CC2D2A: variants seen among roughly 807,000 people sequenced by gnomAD.
The protein encoded by CC2D2A is coiled-coil and C2 domain-containing protein 2A.
In CC2D2A, 155 loss-of-function variants were observed where a neutral mutation model predicts 212.9. The observed-to-expected ratio is 0.73, with a 90% confidence interval of 0.64 to 0.83. The LOEUF is 0.83. CC2D2A is among the 40% of genes least tolerant of loss of function. CC2D2A has a pLI of 0.00. For missense variants in CC2D2A, 1,856 were observed against 1,956.2 expected, an observed-to-expected ratio of 0.95 and a Z score of 0.97; for synonymous variants, 667 against 686.5, an observed-to-expected ratio of 0.97 and a Z score of 0.44.
intron 1 of CC2D2A, chr4:15,473,308 T>A (rs952790061): frequency 6.6e-5 from 10 of 151,938 alleles, no homozygotes; most frequent in African/African-American, 2.4e-4. Flanking sequence ...CATTGTAAGG[T>A]AGTTAGGGAA....
At chr4:15,539,166 TAA>T (rs1286789280) in intron 16 of CC2D2A, among the ~76,000 whole-genome samples, 1 of 152,142 alleles carries the variant, frequency 6.6e-6, no homozygotes, top group East Asian at 1.9e-4. Context: ...AAAATAATTT[TAA>T]AAAAGAAAGA....
At chr4:15,508,502 T>C (rs1288799876) in intron 6 of CC2D2A, among the ~76,000 whole-genome samples, 1 of 152,240 alleles carries the variant, frequency 6.6e-6, no homozygotes, top group African/African-American at 2.4e-5. Flanking sequence ...GGTTATATTT[T>C]ATGTACATTT....
At chr4:15,569,206 T>C in intron 26 of CC2D2A, 87 bp from the exon 27 acceptor site, 1 of 709,222 alleles carries the variant, frequency 1.4e-6, no homozygotes, top group African/African-American at 1.8e-5. Context: ...TGCTCATATT[T>C]GGGTATTTTT....
At chr4:15,502,086 T>C (rs1160082582) in intron 4 of CC2D2A, among the ~76,000 whole-genome samples, 1 of 152,212 alleles carries the variant, frequency 6.6e-6, no homozygotes, top group African/African-American at 2.4e-5. Context: ...CTTTTCCCAG[T>C]GGCAATTGAA....
chr4:15,510,063 G>T lies in CC2D2A; in HGVS notation c.439-76G>T, dbSNP rs978250195. 5 of 1,080,810 alleles carry T rather than the reference G, an allele frequency of 4.6e-6. No homozygotes were observed. In the East Asian group the frequency reaches 1.2e-4, roughly 26 times the overall value. 67.0% of individuals were successfully genotyped at this position (1,080,810 alleles called of 1,614,324 possible). A position where few individuals can be genotyped will look rare whatever the true frequency, so the allele number is the denominator to read the frequency against. On this transcript the variant is annotated intron_variant, in intron 6 of 36. Transcript: ENST00000424120. Reference sequence around the variant, plus strand: ...AGAAGATAAGCCTTTGGGATGGGGGGGTTAACCTTCATTTTAGAACAGCCT... The same window carrying T: ...AGAAGATAAGCCTTTGGGATGGGGGTGTTAACCTTCATTTTAGAACAGCCT...
rs779669288 is a variant in CC2D2A, at chr4:15,516,677, T to C, written c.1070T>C (p.Ile357Thr). 1.2e-6 allele frequency: 2 copies of C among 1,613,268 alleles called. No individual in the cohort carries two copies. Among genetic ancestry groups the C allele is most frequent in the Non-Finnish European group, 1.7e-6 (2 of 1,179,608 alleles). ...DGRILALPNP[I>T]KPFPSRPPVL... Reference sequence around the variant, plus strand: ...AGGATCCTAGCTCTGCCAAACCCCATCAAGCCATTTCCTTCAAGGCCGCCA... The same window carrying C: ...AGGATCCTAGCTCTGCCAAACCCCACCAAGCCATTTCCTTCAAGGCCGCCA... Residue 357 changes from isoleucine (I) to threonine (T), a missense_variant, in exon 11 of 37, where the codon ATC becomes ACC. By Grantham distance (89) the Ile-to-Thr change is moderately conservative (BLOSUM62 -1). Transcript: ENST00000424120.
intron 28 of CC2D2A, among the ~76,000 whole-genome samples, chr4:15,570,912 CA>C (rs1216124743): frequency 8.6e-5 from 13 of 151,878 alleles, no homozygotes; most frequent in African/African-American, 3.1e-4. Flanking sequence ...CAAAAACAAA[CA>C]AAAAAACTTT....
At chr4:15,573,722 C>A (rs975616756) in intron 28 of CC2D2A, among the ~76,000 whole-genome samples, 2 of 152,168 alleles carry the variant, frequency 1.3e-5, no homozygotes, top group Admixed American at 1.3e-4. Flanking sequence ...TGGCCAGTAG[C>A]CAATATTTAT....
At chr4:15,542,088 C>T (rs1577361725) in intron 17 of CC2D2A, among the ~76,000 whole-genome samples, 1 of 152,052 alleles carries the variant, frequency 6.6e-6, no homozygotes, top group Non-Finnish European at 1.5e-5. Flanking sequence ...CCTCTTTTGT[C>T]GCTTATAAGA....
intron 30 of CC2D2A, among the ~76,000 whole-genome samples, chr4:15,584,176 A>G (rs889713935): frequency 1.3e-5 from 2 of 152,196 alleles, no homozygotes; most frequent in Non-Finnish European, 2.9e-5. Context: ...TATGGAAATA[A>G]GAAAAGATCC....
intron 11 of CC2D2A, among the ~76,000 whole-genome samples, chr4:15,522,276 T>C (rs1717252609): frequency 6.6e-6 from 1 of 152,226 alleles, no homozygotes; most frequent in Non-Finnish European, 1.5e-5. Context: ...TGGCATTTCC[T>C]TGGGCCCTTA....
chr4:15,559,088 T>C (rs775195344), intron 21 of CC2D2A, 77 bp from the exon 22 acceptor site: 3 of 849,042 alleles, frequency 3.5e-6, no homozygotes, highest in Non-Finnish European at 3.7e-6. Flanking sequence ...ACTTAAATCA[T>C]ATGTGATAAA....
At chr4:15,586,094 T>C (rs1019147133) in intron 30 of CC2D2A, 63 bp from the exon 31 acceptor site, 45 of 1,078,522 alleles carry the variant, frequency 4.2e-5, no homozygotes, top group Non-Finnish European at 6.0e-5. Flanking sequence ...AGAAATGAGG[T>C]AGGGGATGCA....
At chr4:15,562,876 T>C (rs1719684501) in intron 23 of CC2D2A, among the ~76,000 whole-genome samples, 1 of 152,198 alleles carries the variant, frequency 6.6e-6, no homozygotes, top group South Asian at 2.1e-4. Context: ...AGCAGGCTAA[T>C]AGGAGCTCAA....
In CC2D2A at chr4:15,601,399, G is replaced by A; in HGVS notation, c.4837G>A (p.Val1613Ile). The A allele has an allele frequency of 6.4e-7, 1 of 1,551,138 alleles. No individual in the cohort carries two copies. The highest frequency in any genetic ancestry group is 8.7e-7 in the Non-Finnish European group (1 of 1,144,834). ...AAATGTTTTGTCTGTTTGGATCTAT[G>A]TTGCCTCTCTTATACGCAACAGGTA... ...PKNVLSVWIY[V>I]ASLIRNR The change falls in exon 37 of 37, where the codon GTT (valine) becomes ATT (isoleucine). Residue 1613 changes from valine to isoleucine, a missense_variant. Coordinates refer to ENST00000424120, the MANE Select transcript of CC2D2A (RefSeq NM_001378615.1).
intron 24 of CC2D2A, among the ~76,000 whole-genome samples, chr4:15,564,756 C>T (rs1257980391): frequency 6.6e-6 from 1 of 152,118 alleles, no homozygotes; most frequent in Non-Finnish European, 1.5e-5. Context: ...CAGCTCACTG[C>T]AACCTCGACC....
intron 12 of CC2D2A, among the ~76,000 whole-genome samples, chr4:15,528,178 AC>A (rs1478281539): frequency 6.6e-6 from 1 of 152,184 alleles, no homozygotes; most frequent in African/African-American, 2.4e-5. Context: ...TCACGCCCTG[AC>A]TTTAAAACCT....
At chr4:15,591,088 C>T (rs1721083681) in intron 33 of CC2D2A, among the ~76,000 whole-genome samples, 1 of 152,084 alleles carries the variant, frequency 6.6e-6, no homozygotes, top group African/African-American at 2.4e-5. Flanking sequence ...ACATGCATCC[C>T]CAACATGCAT....
At chr4:15,521,592 G>A (rs1190752758) in intron 11 of CC2D2A, among the ~76,000 whole-genome samples, 7 of 152,282 alleles carry the variant, frequency 4.6e-5, no homozygotes, top group Admixed American at 4.6e-4. Flanking sequence ...GTCGGCAGGC[G>A]AAGATTGTTT....
Sources: gnomAD v4.1 joint callset for allele counts (sites outside exome capture counted in the v4.1 genomes callset) on GRCh38, gnomAD v4.1.1 for gene constraint, MANE v1.5 for transcripts, NCBI Gene and HGNC (gene_info 2026-07-23, HGNC 2026-07-21) for gene names.